Variants in ZNF385B observed in about 807,000 individuals in gnomAD.
ZNF385B encodes the protein zinc finger protein 533.
In ZNF385B, 23 loss-of-function variants were observed where a neutral mutation model predicts 39.2. The observed-to-expected ratio is 0.59, with a 90% CI of 0.42 to 0.83. ZNF385B has a LOEUF of 0.83. ZNF385B is among the 40% of genes least tolerant of loss of function. ZNF385B has a pLI of 0.00. For missense variants in ZNF385B, 552 were observed against 598.9 expected (o/e 0.92, Z 0.82); for synonymous variants, 205 against 222.6 (o/e 0.92, Z 0.70).
intron 3 of ZNF385B, among the ~76,000 whole-genome samples, chr2:179,682,437 T>C (rs780817852): frequency 7.2e-5 from 11 of 152,266 alleles, no homozygotes; most frequent in Non-Finnish European, 1.3e-4. Context: ...ATCTCTTTTA[T>C]GCCTTCTTTC....
chr2:179,475,550 C>T (rs2053321434), intron 6 of ZNF385B, among the ~76,000 whole-genome samples: 1 of 151,486 alleles, frequency 6.6e-6, no homozygotes, highest in Non-Finnish European at 1.5e-5. Context: ...ATGCCTGGCC[C>T]ACACAATGTT....
intron 3 of ZNF385B, among the ~76,000 whole-genome samples, chr2:179,595,684 A>C (rs919249385): frequency 2.0e-5 from 3 of 147,976 alleles, no homozygotes; most frequent in Admixed American, 1.3e-4. Context: ...GGAGTGAAGT[A>C]GTATGATCAC....
At chr2:179,477,491 A>G (rs2053555261) in intron 6 of ZNF385B, among the ~76,000 whole-genome samples, 1 of 152,140 alleles carries the variant, frequency 6.6e-6, no homozygotes, top group East Asian at 1.9e-4. Context: ...CGGTCTCCAT[A>G]GGGCATGGGT....
intron 5 of ZNF385B, among the ~76,000 whole-genome samples, chr2:179,518,323 G>C (rs1425158606): frequency 6.6e-6 from 1 of 152,172 alleles, no homozygotes; most frequent in African/African-American, 2.4e-5. Context: ...TATGGACCCT[G>C]TGGATTCAGA....
chr2:179,555,164 G>A (rs1370335980), intron 3 of ZNF385B, among the ~76,000 whole-genome samples: 1 of 149,706 alleles, frequency 6.7e-6, no homozygotes, highest in African/African-American at 2.5e-5. Context: ...GAGAACAAAT[G>A]GCACATTCTT....
intron 3 of ZNF385B, among the ~76,000 whole-genome samples, chr2:179,717,950 A>T (rs1700437004): frequency 6.6e-6 from 1 of 152,178 alleles, no homozygotes; most frequent in Non-Finnish European, 1.5e-5. Flanking sequence ...GAATCCTTGA[A>T]AGTGACTTTT....
intron 6 of ZNF385B, among the ~76,000 whole-genome samples, chr2:179,460,053 G>A (rs570943626): frequency 1.4e-4 from 22 of 152,042 alleles, no homozygotes; most frequent in African/African-American, 4.1e-4. Flanking sequence ...GCGGTGAGCC[G>A]AGATCTTGCC....
At chr2:179,593,125 A>G (rs1382691398) in intron 3 of ZNF385B, among the ~76,000 whole-genome samples, 1 of 152,218 alleles carries the variant, frequency 6.6e-6, no homozygotes, top group Admixed American at 6.5e-5. Flanking sequence ...CTTGCTGTCA[A>G]CGGGAATGAT....
At chr2:179,755,555 T>G (rs1185541815) in intron 3 of ZNF385B, among the ~76,000 whole-genome samples, 4 of 152,074 alleles carry the variant, frequency 2.6e-5, no homozygotes, top group Non-Finnish European at 5.9e-5. Context: ...CATTATTATT[T>G]TGTGGGAGTC....
intron 1 of ZNF385B, among the ~76,000 whole-genome samples, chr2:179,827,044 G>C (rs1023193502): frequency 6.6e-6 from 1 of 152,194 alleles, no homozygotes; most frequent in African/African-American, 2.4e-5. Context: ...AGATGATACA[G>C]TACACTATAA....
At chr2:179,826,587 G>C (rs1431508889) in intron 1 of ZNF385B, among the ~76,000 whole-genome samples, 1 of 152,018 alleles carries the variant, frequency 6.6e-6, no homozygotes, top group East Asian at 1.9e-4. Flanking sequence ...CTTAAAGCAG[G>C]GGGTCAGCAG....
chr2:179,799,208 G>C (rs550574616), intron 1 of ZNF385B, among the ~76,000 whole-genome samples: 2 of 152,034 alleles, frequency 1.3e-5, no homozygotes, highest in South Asian at 4.1e-4. Flanking sequence ...TACTGATTCA[G>C]CAACATAGTC....
chr2:179,593,978 C>A (rs1687786621), intron 3 of ZNF385B, among the ~76,000 whole-genome samples: 1 of 152,012 alleles, frequency 6.6e-6, no homozygotes, highest in Admixed American at 6.6e-5. Context: ...GCATATAAGT[C>A]AAGATGAGAA....
At chr2:179,766,596 T>C (rs542012051) in intron 3 of ZNF385B, among the ~76,000 whole-genome samples, 1 of 152,264 alleles carries the variant, frequency 6.6e-6, no homozygotes, top group East Asian at 1.9e-4. Context: ...TCTCACATCA[T>C]CTTCCCTCTC....
intron 3 of ZNF385B, among the ~76,000 whole-genome samples, chr2:179,658,585 G>T (rs1694072281): frequency 6.6e-6 from 1 of 152,128 alleles, no homozygotes; most frequent in Non-Finnish European, 1.5e-5. Context: ...CTGTTACCAA[G>T]TAGAATAGTG....
At chr2:179,746,952 A>C (rs1702417578) in intron 3 of ZNF385B, among the ~76,000 whole-genome samples, 1 of 152,168 alleles carries the variant, frequency 6.6e-6, no homozygotes, top group Non-Finnish European at 1.5e-5. Flanking sequence ...GTAAACTGGA[A>C]GAAATTCCTA....
chr2:179,743,778 G>A (rs1269581740), intron 3 of ZNF385B, among the ~76,000 whole-genome samples: 1 of 152,084 alleles, frequency 6.6e-6, no homozygotes, highest in African/African-American at 2.4e-5. Flanking sequence ...AACAAAAACT[G>A]TATTTAATAT....
chr2:179,597,611 G>A (rs527553197), intron 3 of ZNF385B, among the ~76,000 whole-genome samples: 14 of 151,936 alleles, frequency 9.2e-5, no homozygotes, highest in Admixed American at 4.6e-4. Flanking sequence ...CTTTTCACAC[G>A]ACATACGCAC....
intron 3 of ZNF385B, among the ~76,000 whole-genome samples, chr2:179,667,772 A>G (rs1049509790): frequency 6.6e-6 from 1 of 152,138 alleles, no homozygotes; most frequent in East Asian, 1.9e-4. Flanking sequence ...TACAGTGCAG[A>G]GATGACCAGA....
Sources: allele counts gnomAD v4.1 joint callset (sites outside exome capture counted in the v4.1 genomes callset), GRCh38; gene constraint gnomAD v4.1.1; transcripts MANE v1.5; gene names NCBI Gene and HGNC (gene_info 2026-07-23, HGNC 2026-07-21).